The following SPOCK1 variants were observed in gnomAD, a reference collection of about 807,000 sequenced individuals.
SPOCK1 encodes the protein SPARC (osteonectin), cwcv and kazal like domains proteoglycan 1.
Under a neutral mutation model 55.3 loss-of-function variants are expected in SPOCK1, and 23 were observed. The observed-to-expected ratio is 0.42, with a 90% CI of 0.30 to 0.59. SPOCK1 has a LOEUF of 0.59. Ranked by LOEUF, SPOCK1 falls within the 20% of genes least tolerant of loss-of-function variation. The pLI, the probability that SPOCK1 is intolerant of heterozygous loss-of-function variation, is 0.22. For synonymous variants in SPOCK1, 226 were observed against 221.0 expected (o/e 1.02, Z -0.20); for missense variants, 499 against 552.5 (o/e 0.90, Z 0.97).
intron 2 of SPOCK1, among the ~76,000 whole-genome samples, chr5:137,268,865 G>A (rs923955535): frequency 5.3e-5 from 8 of 152,174 alleles, no homozygotes; most frequent in Admixed American, 3.9e-4. Flanking sequence ...TAAAGCCCTT[G>A]GAAGCTCAGG....
At chr5:137,352,854 T>C (rs1249340675) in intron 2 of SPOCK1, among the ~76,000 whole-genome samples, 1 of 152,182 alleles carries the variant, frequency 6.6e-6, no homozygotes, top group Non-Finnish European at 1.5e-5. Flanking sequence ...GAGTGGGTGA[T>C]GTTTCATGTG....
intron 3 of SPOCK1, among the ~76,000 whole-genome samples, chr5:137,213,757 C>A (rs1257903110): frequency 1.3e-5 from 2 of 152,200 alleles, no homozygotes; most frequent in Non-Finnish European, 2.9e-5. Flanking sequence ...GGGTGCAGCA[C>A]ACACACACCT....
Position 136,978,846 on chromosome 5 carries a change from T to A in SPOCK1, c.1130-2A>T. ...CCCCTGAGGTTTCCTGCTCCTCTTCTGAAAGATTAAAAAAAGCATTGAGGT... is the reference window on the plus strand; with the variant it reads ...CCCCTGAGGTTTCCTGCTCCTCTTCAGAAAGATTAAAAAAAGCATTGAGGT... On this transcript the variant is annotated splice_acceptor_variant, in intron 10 of 10. Coordinates refer to ENST00000394945, the MANE Select transcript of SPOCK1 (RefSeq NM_004598.4). LOFTEE classifies it high-confidence loss of function. 1 of 1,602,432 alleles carries A rather than the reference T, an allele frequency of 6.2e-7. No individual in the cohort carries two copies.
chr5:137,360,591 C>T (rs1490314080), intron 2 of SPOCK1, among the ~76,000 whole-genome samples: 2 of 152,332 alleles, frequency 1.3e-5, no homozygotes, highest in East Asian at 1.9e-4. Flanking sequence ...CTCTGCAGTG[C>T]CTCACTTTAT....
At chr5:137,043,051 C>T (rs1752030922) in intron 6 of SPOCK1, among the ~76,000 whole-genome samples, 1 of 151,998 alleles carries the variant, frequency 6.6e-6, no homozygotes, top group Non-Finnish European at 1.5e-5. Flanking sequence ...GGCTGGGATA[C>T]TAAATACACA....
rs543687186 is a variant in SPOCK1, at chr5:137,312,388, A to C, written c.187-45333T>G. Among the ~76,000 whole-genome samples, 70 of 152,340 alleles carry C rather than the reference A, an allele frequency of 4.6e-4. 2 individuals are homozygous for C. In the South Asian group the frequency reaches 0.012, roughly 25 times the overall value. On this transcript the variant is annotated intron_variant, in intron 2 of 10. Coordinates refer to ENST00000394945, the MANE Select transcript of SPOCK1 (RefSeq NM_004598.4). The stretch of plus-strand genomic sequence containing the variant: ...CATCCCCACAGCACTCAAATGAGAG[A>C]GACCTCCTCCAGGAGGGTTGGAGAA...
rs777479955 is a variant in SPOCK1, at chr5:136,992,593, T to C, written c.597A>G (p.Thr199=). 2.5e-6 allele frequency: 4 copies of C among 1,612,850 alleles called. No individual in the cohort carries two copies. In the South Asian group the frequency reaches 3.3e-5, roughly 13 times the overall value. The change falls in exon 7 of 11, where the codon ACA becomes ACG. Residue 199 remains threonine (T), a synonymous_variant. Transcript: ENST00000394945. The part of the protein sequence containing the change: ...PKHKAERSAC[T]DKELRNLASR... ...AGGCAAGGTTCCGCAACTCCTTGTC[T>C]GTGCAGGCTAGAGAAAAGCAAACAG...
Position 137,266,977 on chromosome 5 carries a change from A to G in SPOCK1, c.232+33T>C, listed in dbSNP as rs112496818. On this transcript the variant is annotated intron_variant, in intron 3 of 10. Transcript: ENST00000394945. ...GGAAAAATGAGACCACATTTACCACAGACTATACAGCAAGAAATATTGCAT... is the reference window on the plus strand; with the variant it reads ...GGAAAAATGAGACCACATTTACCACGGACTATACAGCAAGAAATATTGCAT... The G allele has an allele frequency of 2.9e-4, 464 of 1,594,786 alleles. 3 individuals are homozygous for G. In the African/African-American group the frequency reaches 3.8e-3, roughly 13 times the overall value.
chr5:137,137,702 G>A (rs1754013812), intron 4 of SPOCK1, among the ~76,000 whole-genome samples: 1 of 152,172 alleles, frequency 6.6e-6, no homozygotes, highest in Non-Finnish European at 1.5e-5. Context: ...AAATGACACT[G>A]TCATCCTCAC....
chr5:137,390,099 G>C lies in SPOCK1; in HGVS notation c.186+108274C>G, dbSNP rs1751685260. 5.3e-5 allele frequency among the ~76,000 whole-genome samples: 8 copies of C among 152,210 alleles called. No homozygotes were observed. In the Middle Eastern group the frequency reaches 0.017, roughly 324 times the overall value. ...TCTTTGTCCTATGTTCCCTACTAAAGGAAATCCTGTCTCCTCTTCTCTCTA... is the reference window on the plus strand; with the variant it reads ...TCTTTGTCCTATGTTCCCTACTAAACGAAATCCTGTCTCCTCTTCTCTCTA... On this transcript the variant is annotated intron_variant, in intron 2 of 10. Coordinates refer to ENST00000394945, the MANE Select transcript of SPOCK1 (RefSeq NM_004598.4).
At chr5:137,388,973 G>A (rs1751654404) in intron 2 of SPOCK1, among the ~76,000 whole-genome samples, 2 of 152,138 alleles carry the variant, frequency 1.3e-5, no homozygotes, top group Admixed American at 6.5e-5. Flanking sequence ...CATAATTTAG[G>A]TAGGCAAGAA....
At chr5:137,232,267 G>A (rs750228409) in intron 3 of SPOCK1, among the ~76,000 whole-genome samples, 3 of 152,010 alleles carry the variant, frequency 2.0e-5, no homozygotes, top group Non-Finnish European at 4.4e-5. Flanking sequence ...CTTTGTCTAG[G>A]CCTAAATCCT....
chr5:136,992,767 GT>G, intron 6 of SPOCK1, 167 bp from the exon 7 acceptor site: 1 of 520,656 alleles, frequency 1.9e-6, no homozygotes, highest in Middle Eastern at 5.0e-4. Flanking sequence ...CAAACAAAGA[GT>G]GGGACAAAAA....
chr5:137,162,940 T>C (rs779371600), intron 3 of SPOCK1, among the ~76,000 whole-genome samples: 1 of 152,192 alleles, frequency 6.6e-6, no homozygotes, highest in Non-Finnish European at 1.5e-5. Flanking sequence ...ACCAATTTCC[T>C]TGTGACGCTA....
intron 6 of SPOCK1, among the ~76,000 whole-genome samples, chr5:137,022,603 C>T (rs1751597851): frequency 6.6e-6 from 1 of 152,186 alleles, no homozygotes; most frequent in Admixed American, 6.5e-5. Context: ...TACAATGAAG[C>T]CCTGCTACTA....
intron 2 of SPOCK1, among the ~76,000 whole-genome samples, chr5:137,304,251 G>A (rs1245646985): frequency 6.6e-6 from 1 of 152,106 alleles, no homozygotes; most frequent in Non-Finnish European, 1.5e-5. Context: ...GAACCCACAT[G>A]TAATACTCAA....
At chr5:137,228,839 C>T (rs17171130) in intron 3 of SPOCK1, among the ~76,000 whole-genome samples, 13,024 of 152,156 alleles carry the variant, frequency 0.086, 1,132 homozygotes, top group African/African-American at 0.22. Flanking sequence ...TACATAGTAG[C>T]TCTTACCCAG....
chr5:137,491,266 G>T (rs1029793112), intron 2 of SPOCK1, among the ~76,000 whole-genome samples: 1 of 152,162 alleles, frequency 6.6e-6, no homozygotes, highest in Admixed American at 6.5e-5. Flanking sequence ...AGCTTTTCAC[G>T]GAATCAGAGA....
intron 3 of SPOCK1, among the ~76,000 whole-genome samples, chr5:137,208,644 G>A (rs1020167556): frequency 2.0e-5 from 3 of 152,112 alleles, no homozygotes; most frequent in African/African-American, 4.8e-5. Flanking sequence ...CTTATAAGTG[G>A]GGGCTAAACA....
Sources: gnomAD v4.1 joint callset for allele counts (sites outside exome capture counted in the v4.1 genomes callset) on GRCh38, gnomAD v4.1.1 for gene constraint, MANE v1.5 for transcripts, NCBI Gene and HGNC (gene_info 2026-07-23, HGNC 2026-07-21) for gene names.